LTBP1: variants seen among roughly 807,000 people sequenced by gnomAD.
LTBP1 encodes latent-transforming growth factor beta-binding protein 1.
LTBP1 carries 129 observed loss-of-function variants against 207.6 expected under a neutral mutation model. The observed-to-expected ratio is 0.62, with a 90% CI of 0.54 to 0.72. The LOEUF is 0.72. Among genes scored for constraint, LTBP1 ranks in the 30% least tolerant of loss-of-function variants. LTBP1 has a pLI of 0.00. For missense variants in LTBP1, 2,281 were observed against 2,217.2 expected, an observed-to-expected ratio of 1.03 and a Z score of -0.58; for synonymous variants, 963 against 833.7, an observed-to-expected ratio of 1.16 and a Z score of -2.67.
intron 22 of LTBP1, among the ~76,000 whole-genome samples, chr2:33,302,969 ACACACACACACACAC>A (rs1433966485): frequency 1.3e-4 from 19 of 151,336 alleles, no homozygotes; most frequent in African/African-American, 4.6e-4. Flanking sequence ...ACACACACAC[ACACACACACACACAC>A]AAACACACAC....
intron 24 of LTBP1, among the ~76,000 whole-genome samples, chr2:33,316,151 T>C (rs62148929): frequency 2.4e-4 from 37 of 152,278 alleles, no homozygotes; most frequent in Non-Finnish European, 3.5e-4. Context: ...AATACAGCAC[T>C]GGTTATTTTC....
At chr2:33,084,685 C>T (rs2078649520) in intron 3 of LTBP1, among the ~76,000 whole-genome samples, 1 of 152,198 alleles carries the variant, frequency 6.6e-6, no homozygotes, top group Non-Finnish European at 1.5e-5. Flanking sequence ...CTCCTGTGCG[C>T]AAACAGGCAC....
Position 33,020,907 on chromosome 2 carries a change from A to C in LTBP1, c.566-2A>C. 6.4e-7 allele frequency: 1 copy of C among 1,570,944 alleles called. No individual in the cohort carries two copies. Among genetic ancestry groups the C allele is most frequent in the Non-Finnish European group, 8.7e-7 (1 of 1,152,872 alleles). On this transcript the variant is annotated splice_acceptor_variant, in intron 2 of 33. Transcript: ENST00000404816. LOFTEE classifies it high-confidence loss of function. ...GCTGTGCCTTCTGTTTTCTTTCTGC[A>C]GCTAGCTGTGTTCCGCCATGTCAGA...
At chr2:33,219,058 G>C (rs1019941861) in intron 8 of LTBP1, among the ~76,000 whole-genome samples, 1 of 151,920 alleles carries the variant, frequency 6.6e-6, no homozygotes, top group Non-Finnish European at 1.5e-5. Flanking sequence ...TCTCTCATTT[G>C]GACTTCTTTG....
intron 3 of LTBP1, chr2:33,056,491 G>A (rs72791802): frequency 0.087 from 66,402 of 766,726 alleles, 3,802 homozygotes; most frequent in Middle Eastern, 0.1. Flanking sequence ...GGGATGATGC[G>A]CGTCTTCTTC....
At chr2:32,970,932 T>C (rs1680759966) in intron 2 of LTBP1, among the ~76,000 whole-genome samples, 1 of 152,098 alleles carries the variant, frequency 6.6e-6, no homozygotes, top group Non-Finnish European at 1.5e-5. Context: ...TTGTTATTTC[T>C]TTCAGCAGTG....
At chr2:33,173,742 T>G (rs1298573645) in intron 5 of LTBP1, among the ~76,000 whole-genome samples, 2 of 146,874 alleles carry the variant, frequency 1.4e-5, no homozygotes, top group African/African-American at 2.5e-5. Flanking sequence ...TGAACATTGA[T>G]GCAAAAATCC....
rs1273723329 is a variant in LTBP1 at position 33,016,981 on chromosome 2, C to T, written c.566-3928C>T. Among the ~76,000 whole-genome samples the T allele has an allele frequency of 3.3e-5, 5 of 152,172 alleles. No individual in the cohort carries two copies. In the East Asian group the frequency reaches 9.6e-4, roughly 29 times the overall value. ...GCAGTGAGTCAAGATCGTGCCACTG[C>T]ACTCCAGCCTGGGTGACAGAGTAAG... On this transcript the variant is annotated intron_variant, in intron 2 of 33. Coordinates refer to ENST00000404816, the MANE Select transcript of LTBP1 (RefSeq NM_206943.4).
At position 32,958,693 on chromosome 2, in the gene LTBP1, T is replaced by G. The variant is rs1426963087; in HGVS notation, c.565+9748T>G. ...CCTCTAAATACTATAGAAAGAATTC[T>G]TTTTCTTTTCTTTGTTTACTCTCAC... is the stretch of plus-strand genomic sequence containing the variant. On this transcript the variant is annotated intron_variant, in intron 2 of 33. Transcript: ENST00000404816. 3.3e-5 allele frequency among the ~76,000 whole-genome samples: 5 copies of G among 152,260 alleles called. No homozygotes were observed. In the East Asian group the frequency reaches 9.6e-4, roughly 29 times the overall value.
intron 7 of LTBP1, among the ~76,000 whole-genome samples, chr2:33,200,619 G>C (rs1182642599): frequency 6.6e-6 from 1 of 152,166 alleles, no homozygotes; most frequent in Non-Finnish European, 1.5e-5. Context: ...AGCCAAAATT[G>C]ACAAATGGGA....
intron 7 of LTBP1, among the ~76,000 whole-genome samples, chr2:33,211,487 G>T (rs922043701): frequency 6.6e-6 from 1 of 152,182 alleles, no homozygotes; most frequent in Non-Finnish European, 1.5e-5. Context: ...ATCCTTTGGG[G>T]TTGGGATTAC....
In LTBP1 at chr2:32,979,174, A is replaced by AT. The variant is rs572538724; in HGVS notation, c.565+30236dup. Among the ~76,000 whole-genome samples the AT allele has an allele frequency of 3.8e-3, 567 of 149,170 alleles. 3 individuals are homozygous for AT. Among genetic ancestry groups the AT allele is most frequent in the African/African-American group, 0.013 (545 of 40,664 alleles). On this transcript the variant is annotated intron_variant, in intron 2 of 33. Transcript: ENST00000404816. ...CATTTCATTGATCTTTTATATATATATTTTTTTCATTTAAATTTCATTTAT... is the reference window on the plus strand; with the variant it reads ...CATTTCATTGATCTTTTATATATATATTTTTTTTCATTTAAATTTCATTTAT...
chr2:33,069,391 A>G (rs2077674647), intron 3 of LTBP1, among the ~76,000 whole-genome samples: 1 of 152,078 alleles, frequency 6.6e-6, no homozygotes, highest in Non-Finnish European at 1.5e-5. Context: ...CAGATGAAGC[A>G]CCCATTCTTG....
rs1280271380 is a variant in LTBP1, at chr2:33,329,404, ATG to A, written c.3731-13433_3731-13432del. Among the ~76,000 whole-genome samples the A allele has an allele frequency of 3.9e-3, 587 of 152,310 alleles. 8 individuals are homozygous for A. The highest frequency in any genetic ancestry group is 0.013 in the African/African-American group (561 of 41,578). On this transcript the variant is annotated intron_variant, in intron 24 of 33. Transcript: ENST00000404816. ...AGGTGAACTCAAGTTGTTAATTTTA[ATG>A]AAGTCCAGTGTTTTAATTGTTTTAT...
chr2:33,051,410 G>A (rs111611523), intron 3 of LTBP1, among the ~76,000 whole-genome samples: 11 of 152,122 alleles, frequency 7.2e-5, no homozygotes, highest in African/African-American at 1.9e-4. Flanking sequence ...GAGCAAGATC[G>A]TGTTTCTAAA....
rs2095384334 is a variant in LTBP1 at position 33,399,135 on chromosome 2, A to G, written c.*590A>G. 1 of 152,624 alleles carries G rather than the reference A, an allele frequency of 6.6e-6. No homozygotes were observed. The highest frequency in any genetic ancestry group is 2.4e-5 in the African/African-American group (1 of 41,444). 9.5% of individuals were successfully genotyped at this position (152,624 alleles called of 1,614,324 possible). A position where few individuals can be genotyped will look rare whatever the true frequency, so the allele number is the denominator to read the frequency against. On this transcript the variant is annotated 3_prime_UTR_variant, in exon 34 of 34. Coordinates refer to ENST00000404816, the MANE Select transcript of LTBP1 (RefSeq NM_206943.4). ...CAAAACTTTGTATACACATTTGGAG[A>G]AAAGTACTTTATATTTTCAGTGTTT...
chr2:33,049,827 AG>A (rs1227558971), intron 3 of LTBP1, among the ~76,000 whole-genome samples: 1 of 151,864 alleles, frequency 6.6e-6, no homozygotes, highest in Non-Finnish European at 1.5e-5. Flanking sequence ...TTTGGAGGTT[AG>A]GCTTTTTTTT....
At chr2:33,212,133 T>C (rs1429820622) in intron 7 of LTBP1, among the ~76,000 whole-genome samples, 1 of 152,246 alleles carries the variant, frequency 6.6e-6, no homozygotes, top group Non-Finnish European at 1.5e-5. Context: ...ATTGTAATGA[T>C]TCTTGAACAG....
chr2:33,222,348 T>C (rs2091164595), intron 9 of LTBP1, among the ~76,000 whole-genome samples, 197 bp downstream of exon 9: 1 of 152,246 alleles, frequency 6.6e-6, no homozygotes. Flanking sequence ...CCACTGAAAC[T>C]TGATGCAAGT....
Sources: allele counts gnomAD v4.1 joint callset (sites outside exome capture counted in the v4.1 genomes callset), GRCh38; gene constraint gnomAD v4.1.1; transcripts MANE v1.5; gene names NCBI Gene and HGNC (gene_info 2026-07-23, HGNC 2026-07-21).